Variants in SAMMSON observed in about 807,000 individuals in gnomAD.
SAMMSON encodes the protein survival associated mitochondrial melanoma specific oncogenic non-coding RNA, also known as long intergenic non-protein coding RNA 1212.
At chr3:70,117,115 C>T (rs983265971) in intron 4 of SAMMSON, among the ~76,000 whole-genome samples, 1 of 152,186 alleles carries the variant, frequency 6.6e-6, no homozygotes, top group African/African-American at 2.4e-5. Context: ...TGATGGTGTA[C>T]ACCCTGGGAA....
intron 4 of SAMMSON, among the ~76,000 whole-genome samples, chr3:70,166,878 GATAGGTGGGGCTAGACATTATT>G (rs1287360225): frequency 6.6e-6 from 1 of 151,938 alleles, no homozygotes; most frequent in Non-Finnish European, 1.5e-5. Context: ...GAATATTGGA[GATAGGTGGGGCTAGACATTATT>G]ATATTTTATA....
chr3:70,050,856 C>T (rs117293432), intron 3 of SAMMSON, among the ~76,000 whole-genome samples: 1 of 152,060 alleles, frequency 6.6e-6, no homozygotes, highest in East Asian at 2.0e-4. Flanking sequence ...GGCAGACTGG[C>T]TGGGTGCAAT....
intron 4 of SAMMSON, among the ~76,000 whole-genome samples, chr3:70,178,470 T>C (rs1303764994): frequency 6.6e-6 from 1 of 152,114 alleles, no homozygotes; most frequent in Non-Finnish European, 1.5e-5. Context: ...TTAGCATAAA[T>C]CTCCCACTAA....
intron 1 of SAMMSON, among the ~76,000 whole-genome samples, chr3:70,008,432 A>T (rs1279768257): frequency 6.6e-6 from 1 of 151,968 alleles, no homozygotes; most frequent in Non-Finnish European, 1.5e-5. Context: ...TTCACTCATG[A>T]TTTGGCTCTC....
intron 4 of SAMMSON, among the ~76,000 whole-genome samples, chr3:70,129,249 A>G (rs1426450012): frequency 1.3e-5 from 2 of 152,204 alleles, no homozygotes; most frequent in African/African-American, 4.8e-5. Flanking sequence ...TAAATAACGG[A>G]AAACATTTAT....
chr3:70,201,245 T>A lies in SAMMSON; in HGVS notation n.508-47862T>A, dbSNP rs542997645. Among the ~76,000 whole-genome samples, 27 of 152,120 alleles carry A rather than the reference T, an allele frequency of 1.8e-4. No individual in the cohort carries two copies. The Middle Eastern group carries it at 0.01, about 57-fold the overall frequency. ...CCATTGTGTGTCGTTCCCCTCTCTG[T>A]GTTTATGTGTTCTCATCATTTAGCT... On this transcript the variant is annotated intron_variant and non_coding_transcript_variant, in intron 4 of 9. Transcript: ENST00000642114.
At chr3:70,095,613 A>G (rs2067320441) in intron 4 of SAMMSON, among the ~76,000 whole-genome samples, 1 of 152,164 alleles carries the variant, frequency 6.6e-6, no homozygotes, top group African/African-American at 2.4e-5. Flanking sequence ...AATTGCCAGG[A>G]AGGGGAACCT....
chr3:70,165,690 T>C (rs1184241680), intron 4 of SAMMSON, among the ~76,000 whole-genome samples: 7 of 152,020 alleles, frequency 4.6e-5, no homozygotes, highest in African/African-American at 1.7e-4. Flanking sequence ...ATGGCTTTTC[T>C]ACCAAGGATC....
chr3:70,013,196 C>T (rs1273823367), intron 2 of SAMMSON, among the ~76,000 whole-genome samples: 4 of 151,846 alleles, frequency 2.6e-5, no homozygotes, highest in South Asian at 4.2e-4. Flanking sequence ...TTTTAAGTTC[C>T]GAATTTGTCT....
intron 1 of SAMMSON, among the ~76,000 whole-genome samples, chr3:70,005,133 C>T (rs1176841214): frequency 2.0e-5 from 3 of 152,118 alleles, no homozygotes; most frequent in Non-Finnish European, 4.4e-5. Context: ...AGAGATAATC[C>T]TGGGCCAATA....
At chr3:70,048,800 T>C (rs77691591) in intron 3 of SAMMSON, among the ~76,000 whole-genome samples, 2,088 of 152,232 alleles carry the variant, frequency 0.014, 23 homozygotes, top group Middle Eastern at 0.051. Flanking sequence ...GTCGCTCTTA[T>C]AGAACTCACT....
At chr3:70,373,680 T>A (rs1400993460) in intron 9 of SAMMSON, among the ~76,000 whole-genome samples, 1 of 152,158 alleles carries the variant, frequency 6.6e-6, no homozygotes, top group East Asian at 1.9e-4. Flanking sequence ...AATGGCCAGT[T>A]TCTGTTGTTT....
intron 7 of SAMMSON, among the ~76,000 whole-genome samples, chr3:70,323,219 G>A (rs1196462338): frequency 6.6e-6 from 1 of 152,084 alleles, no homozygotes; most frequent in Non-Finnish European, 1.5e-5. Flanking sequence ...CTTGTTTGAA[G>A]TTAAGGAAAA....
At chr3:70,226,341 G>A (rs1701506858) in intron 4 of SAMMSON, among the ~76,000 whole-genome samples, 1 of 152,104 alleles carries the variant, frequency 6.6e-6, no homozygotes, top group Non-Finnish European at 1.5e-5. Context: ...TATAACAGAG[G>A]CACACACACA....
At chr3:70,150,994 A>G (rs1433632056) in intron 4 of SAMMSON, among the ~76,000 whole-genome samples, 1 of 152,074 alleles carries the variant, frequency 6.6e-6, no homozygotes, top group African/African-American at 2.4e-5. Flanking sequence ...CTATATGTAG[A>G]TATATAGATA....
intron 7 of SAMMSON, among the ~76,000 whole-genome samples, chr3:70,322,419 T>G (rs1310899633): frequency 6.6e-6 from 1 of 152,162 alleles, no homozygotes; most frequent in Non-Finnish European, 1.5e-5. Context: ...ATCTTGACTG[T>G]GTCTTTGCTT....
intron 2 of SAMMSON, among the ~76,000 whole-genome samples, chr3:70,428,284 T>C (rs1265310661): frequency 6.6e-6 from 1 of 152,072 alleles, no homozygotes; most frequent in Non-Finnish European, 1.5e-5. Context: ...CGGCCTAGAA[T>C]AGCCAAAAAA....
intron 9 of SAMMSON, among the ~76,000 whole-genome samples, chr3:70,362,535 T>C (rs545626733): frequency 6.6e-6 from 1 of 152,076 alleles, no homozygotes; most frequent in East Asian, 1.9e-4. Flanking sequence ...AAATGAAACA[T>C]TTCATGGAAT....
intron 3 of SAMMSON, among the ~76,000 whole-genome samples, chr3:70,021,195 A>G (rs2067011857): frequency 6.6e-6 from 1 of 152,036 alleles, no homozygotes; most frequent in Non-Finnish European, 1.5e-5. Flanking sequence ...ACGTGAGAAA[A>G]CCTTTTCCAG....
Sources: allele counts gnomAD v4.1 joint callset (sites outside exome capture counted in the v4.1 genomes callset), GRCh38; gene constraint gnomAD v4.1.1; transcripts MANE v1.5; gene names NCBI Gene and HGNC (gene_info 2026-07-23, HGNC 2026-07-21).